COA1: variants seen among roughly 807,000 people sequenced by gnomAD.
COA1 encodes cytochrome c oxidase assembly factor 1 homolog.
In COA1, 13 loss-of-function variants were observed where a neutral mutation model predicts 16.0. That is an observed-to-expected ratio of 0.81 (90% CI 0.53 to 1.29). COA1 has a LOEUF of 1.29. Ranked by LOEUF, COA1 falls within the 50% of genes most tolerant of loss-of-function variation. The probability of loss-of-function intolerance (pLI) is 0.00; values close to 1 mark genes in which losing one functional copy is unlikely to be tolerated. For synonymous variants in COA1, 65 were observed against 65.7 expected, an observed-to-expected ratio of 0.99 and a Z score of 0.05; for missense variants, 179 against 177.0, an observed-to-expected ratio of 1.01 and a Z score of -0.06.
At chr7:43,722,703 A>G (rs1274180586) in intron 1 of COA1, among the ~76,000 whole-genome samples, 1 of 152,220 alleles carries the variant, frequency 6.6e-6, no homozygotes, top group Non-Finnish European at 1.5e-5. Flanking sequence ...ACGCCCAGCT[A>G]GTACATTCTT....
At chr7:43,683,702 T>G (rs542202929) in intron 1 of COA1, among the ~76,000 whole-genome samples, 1 of 152,338 alleles carries the variant, frequency 6.6e-6, no homozygotes, top group African/African-American at 2.4e-5. Flanking sequence ...ACCTTTACTA[T>G]GTGCCAGGTA....
chr7:43,621,831 G>C (rs1024622018), intron 6 of COA1, among the ~76,000 whole-genome samples: 3 of 151,066 alleles, frequency 2.0e-5, no homozygotes, highest in African/African-American at 4.9e-5. Flanking sequence ...ACATAATACA[G>C]AAAAACAAAG....
At chr7:43,670,103 C>T (rs563510419) in intron 1 of COA1, among the ~76,000 whole-genome samples, 5 of 152,158 alleles carry the variant, frequency 3.3e-5, no homozygotes, top group African/African-American at 1.2e-4. Flanking sequence ...ATTGTAACAG[C>T]TCTGAATAAC....
chr7:43,635,230 T>G (rs1490090057), downstream of COA1, among the ~76,000 whole-genome samples: 2 of 152,194 alleles, frequency 1.3e-5, no homozygotes, highest in East Asian at 3.8e-4. Flanking sequence ...CAATTGAATA[T>G]TAAGTCCTAG....
intron 4 of COA1, among the ~76,000 whole-genome samples, chr7:43,644,744 A>AGATAGATG (rs1554501199): frequency 2.2e-5 from 2 of 90,364 alleles, no homozygotes; most frequent in East Asian, 4.4e-4. Flanking sequence ...ATAGATAGAT[A>AGATAGATG]GATAGATAGA....
chr7:43,660,361 T>TAA (rs1481375267), intron 1 of COA1, among the ~76,000 whole-genome samples: 3 of 152,138 alleles, frequency 2.0e-5, no homozygotes, highest in Non-Finnish European at 4.4e-5. Context: ...CTCCCCTTCC[T>TAA]GCATTCCCTA....
chr7:43,645,702 T>C, intron 3 of COA1: 1 of 247,120 alleles, frequency 4.0e-6, no homozygotes, highest in Non-Finnish European at 8.1e-6. Flanking sequence ...ACCTAAGAGG[T>C]TTGGTCAGCT....
Position 43,639,787 on chromosome 7 carries a change from A to G in COA1, c.342-106T>C, listed in dbSNP as rs1024093064. On this transcript the variant is annotated intron_variant, in intron 5 of 5. Coordinates refer to ENST00000223336, the MANE Select transcript of COA1 (RefSeq NM_018224.4). ...GCAGTTGTTTTGAATAATGCCTTAA[A>G]TTTTTTTAAACATTATTTTGTGCGA... is the stretch of plus-strand genomic sequence containing the variant. The G allele has an allele frequency of 1.7e-5, 13 of 775,424 alleles. No individual in the cohort carries two copies. In the Middle Eastern group the frequency reaches 7.2e-4, roughly 43 times the overall value. The allele number at this position is 775,424 out of a possible 1,614,324, so 48.0% of individuals were successfully genotyped here.
chr7:43,715,243 C>T (rs561621166), intron 1 of COA1, among the ~76,000 whole-genome samples: 88 of 152,048 alleles, frequency 5.8e-4, no homozygotes, highest in Non-Finnish European at 1.1e-3. Context: ...TCAAATTAAT[C>T]TGAGTGCATC....
intron 1 of COA1, among the ~76,000 whole-genome samples, chr7:43,658,454 T>C (rs1319542232): frequency 6.6e-6 from 1 of 152,076 alleles, no homozygotes; most frequent in Non-Finnish European, 1.5e-5. Flanking sequence ...AGATATAACA[T>C]AAACACCTGA....
intron 1 of COA1, among the ~76,000 whole-genome samples, chr7:43,676,966 T>C (rs2093554052): frequency 6.6e-6 from 1 of 152,328 alleles, no homozygotes; most frequent in South Asian, 2.1e-4. Flanking sequence ...GTATTTTTTC[T>C]AGCTTAATTT....
At chr7:43,650,908 C>T (rs2090635975) in intron 1 of COA1, among the ~76,000 whole-genome samples, 1 of 151,556 alleles carries the variant, frequency 6.6e-6, no homozygotes, top group Admixed American at 6.6e-5. Flanking sequence ...ACCAAGTCTC[C>T]CCAGAGCCCT....
intron 1 of COA1, among the ~76,000 whole-genome samples, chr7:43,694,016 T>C (rs1334120446): frequency 6.6e-6 from 1 of 151,422 alleles, no homozygotes; most frequent in Non-Finnish European, 1.5e-5. Context: ...TGCTTCCTAA[T>C]TCACTAAGAA....
intron 1 of COA1, among the ~76,000 whole-genome samples, chr7:43,690,710 T>C (rs1160958011): frequency 6.6e-6 from 1 of 151,874 alleles, no homozygotes; most frequent in Non-Finnish European, 1.5e-5. Context: ...AAAAATAATG[T>C]AAATTGTCTA....
chr7:43,656,512 A>G (rs1202060716), intron 1 of COA1, among the ~76,000 whole-genome samples: 1 of 152,088 alleles, frequency 6.6e-6, no homozygotes, highest in Non-Finnish European at 1.5e-5. Flanking sequence ...CCTGGCCAAC[A>G]TGGTGAAACC....
chr7:43,623,346 A>G (rs1022416386), intron 6 of COA1: 4 of 492,302 alleles, frequency 8.1e-6, no homozygotes, highest in African/African-American at 8.1e-5. Context: ...TTTGTAAAAT[A>G]CTAGGGACTC....
intron 1 of COA1, among the ~76,000 whole-genome samples, chr7:43,714,294 C>T (rs2095333982): frequency 2.0e-5 from 3 of 152,050 alleles, no homozygotes; most frequent in Admixed American, 2.0e-4. Flanking sequence ...CAATTATAAA[C>T]CTATGGCTTA....
intron 6 of COA1, chr7:43,624,808 T>G (rs138840285): frequency 1.4e-5 from 22 of 1,605,346 alleles, no homozygotes; most frequent in Non-Finnish European, 1.9e-5. Flanking sequence ...GAGGAACCTT[T>G]GCTACAAGAA....
At chr7:43,665,731 CGGCA>C (rs1181246674) in intron 1 of COA1, 2 of 152,308 alleles carry the variant, frequency 1.3e-5, no homozygotes, top group Non-Finnish European at 2.9e-5. Flanking sequence ...CTCTTCATGG[CGGCA>C]GGCAGGAGAG....
Sources: allele counts gnomAD v4.1 joint callset (sites outside exome capture counted in the v4.1 genomes callset), GRCh38; gene constraint gnomAD v4.1.1; transcripts MANE v1.5; gene names NCBI Gene and HGNC (gene_info 2026-07-23, HGNC 2026-07-21).